The following ADPRHL1 variants were observed in gnomAD, a reference collection of about 807,000 sequenced individuals.
ADPRHL1 encodes the protein ADP-ribosylhydrolase like 1, also known as inactive ADP-ribosyltransferase ARH2.
A neutral mutation model predicts 44.1 loss-of-function variants in ADPRHL1; 43 were observed. The ratio of observed to expected loss-of-function variants is 0.98; its 90% CI spans 0.76 to 1.26. ADPRHL1 has a LOEUF of 1.26. ADPRHL1 is among the 50% of genes most tolerant of loss of function. ADPRHL1 has a pLI of 0.00. For synonymous variants in ADPRHL1, 878 were observed against 1,017.4 expected, an observed-to-expected ratio of 0.86 and a Z score of 2.61; for missense variants, 2,022 against 2,496.9, an observed-to-expected ratio of 0.81 and a Z score of 4.05.
intron 1 of ADPRHL1, among the ~76,000 whole-genome samples, chr13:113,450,644 T>G (rs1340301338): frequency 6.6e-6 from 1 of 152,192 alleles, no homozygotes; most frequent in Non-Finnish European, 1.5e-5. Context: ...GGCCCTTCCC[T>G]GCCTGGCAGC....
intron 3 of ADPRHL1, among the ~76,000 whole-genome samples, chr13:113,431,707 T>C (rs2044008473): frequency 6.6e-6 from 1 of 152,104 alleles, no homozygotes; most frequent in South Asian, 2.1e-4. Context: ...TATTCATCTA[T>C]TAAACATGTG....
chr13:113,403,483 G>T lies in ADPRHL1; in HGVS notation c.5799C>A (p.His1933Gln), dbSNP rs1379714585. The T allele has an allele frequency of 1.5e-5, 18 of 1,232,064 alleles. No individual in the cohort carries two copies. Among genetic ancestry groups the T allele is most frequent in the Non-Finnish European group, 1.7e-5 (17 of 988,000 alleles). The allele number at this position is 1,232,064 out of a possible 1,614,324, so 76.3% of individuals were successfully genotyped here. A position where few individuals can be genotyped will look rare whatever the true frequency, so the allele number is the denominator to read the frequency against. Residue 1933 changes from histidine to glutamine, a missense_variant, in exon 8 of 8, where the codon CAC (histidine) becomes CAA (glutamine). Transcript: ENST00000612156. ...SEPERRGRSR[H>Q]LAKYKAQSFR... ...AGCTCTGGGCTTTGTACTTGGCCAG[G>T]TGCCTGGACCTCCCGCGACGCTCGG...
At chr13:113,440,742 A>C (rs1012284980) in intron 2 of ADPRHL1, among the ~76,000 whole-genome samples, 1 of 152,056 alleles carries the variant, frequency 6.6e-6, no homozygotes. Flanking sequence ...GGTGTGAGCC[A>C]CTGCACCTGG....
intron 1 of ADPRHL1, among the ~76,000 whole-genome samples, chr13:113,451,608 G>A (rs957667466): frequency 1.2e-4 from 19 of 152,140 alleles, no homozygotes; most frequent in African/African-American, 4.6e-4. Context: ...AGGAGTTCGA[G>A]ACCAGCCTGG....
rs71214119 is a variant in ADPRHL1, at chr13:113,415,750, C to CAAAAAAAAAAAA, written c.1061+7064_1061+7075dup. Among the ~76,000 whole-genome samples the CAAAAAAAAAAAA allele has an allele frequency of 1.3e-3, 81 of 63,022 alleles. 5 individuals are homozygous for CAAAAAAAAAAAA. Among genetic ancestry groups the CAAAAAAAAAAAA allele is most frequent in the East Asian group, 2.0e-3 (4 of 2,012 alleles). The allele number at this position is 63,022 out of a possible 152,430, so 41.3% of individuals were successfully genotyped here. Reference sequence around the variant, plus strand: ...TGGGTGACAGAGTGAGACTCCATCTCAAAAAAAAAAAAAAAAAAAAAGAGA... The same window carrying CAAAAAAAAAAAA: ...TGGGTGACAGAGTGAGACTCCATCTCAAAAAAAAAAAAAAAAAAAAAAAAAAAAAAAAAGAGA... On this transcript the variant is annotated intron_variant, in intron 7 of 7. Transcript: ENST00000612156.
At position 113,409,894 on chromosome 13, in the gene ADPRHL1, A is replaced by G. The variant is rs2043839615; in HGVS notation, c.1062-1674T>C. Reference sequence around the variant, plus strand: ...ACAGAGCGAGACTCCGTCTCAAAAAAAAAAAAAAAAAAAAGGAAGAAGCTG... The same window carrying G: ...ACAGAGCGAGACTCCGTCTCAAAAAGAAAAAAAAAAAAAAGGAAGAAGCTG... On this transcript the variant is annotated intron_variant, in intron 7 of 7. Coordinates refer to ENST00000612156, the MANE Select transcript of ADPRHL1 (RefSeq NM_001394807.1). This position sits in a 1 kb window ranked among gnomAD's most constrained non-coding sequence, Gnocchi z 4.2. The G allele has an allele frequency of 3.2e-6, 3 of 933,770 alleles. No homozygotes were observed. The highest frequency in any genetic ancestry group is 5.4e-4 in the Middle Eastern group (1 of 1,856). The allele number at this position is 933,770 out of a possible 1,614,324, so 57.8% of individuals were successfully genotyped here.
At position 113,399,819 on chromosome 13, in the gene ADPRHL1, C is replaced by T. The variant is rs181812589; in HGVS notation, c.*3559G>A. 3 of 152,048 alleles carry T rather than the reference C, an allele frequency of 2.0e-5. No homozygotes were observed. Among genetic ancestry groups the T allele is most frequent in the Admixed American group, 1.3e-4 (2 of 15,258 alleles). The allele number at this position is 152,048 out of a possible 1,614,324, so 9.4% of individuals were successfully genotyped here. On this transcript the variant is annotated 3_prime_UTR_variant, in exon 8 of 8. Coordinates refer to ENST00000612156, the MANE Select transcript of ADPRHL1 (RefSeq NM_001394807.1). ...CACAACCGAAAGACCGTAACTCCAA[C>T]AGCAGAGATACCCTGAGAACAGAAT... is the stretch of plus-strand genomic sequence containing the variant.
Position 113,405,301 on chromosome 13 carries a change from T to C in ADPRHL1, c.3981A>G (p.Val1327=). Residue 1327 remains valine, a synonymous_variant, in exon 8 of 8, where the codon GTA becomes GTG. Transcript: ENST00000612156. ...GAGGGCCCCGCTGGTGGGTGCCACC[T>C]ACCCACCCCATGTCCACCTCCGCGG... is the stretch of plus-strand genomic sequence containing the variant. The part of the protein sequence containing the change: ...VPPAEVDMGW[V]GGTHQRGPPH... 1 of 1,231,808 alleles carries C rather than the reference T, an allele frequency of 8.1e-7. No individual in the cohort carries two copies. The highest frequency in any genetic ancestry group is 4.1e-5 in the South Asian group (1 of 24,320). The allele number at this position is 1,231,808 out of a possible 1,614,324, so 76.3% of individuals were successfully genotyped here.
chr13:113,428,181 T>G (rs554048126), intron 4 of ADPRHL1, among the ~76,000 whole-genome samples: 40 of 148,288 alleles, frequency 2.7e-4, no homozygotes, highest in Non-Finnish European at 5.5e-4. Flanking sequence ...GAGGCAGAGG[T>G]TGCAGTGAGC....
chr13:113,422,752 G>A (rs1477754278), intron 7 of ADPRHL1, 74 bp downstream of exon 7: 4 of 1,578,080 alleles, frequency 2.5e-6, no homozygotes, highest in Non-Finnish European at 1.7e-6. Flanking sequence ...CCTCACCCAG[G>A]GGCTGCGAGA....
Position 113,405,877 on chromosome 13 carries a change from G to C in ADPRHL1, c.3405C>G (p.Ser1135Arg). Residue 1135 changes from serine (S) to arginine (R), a missense_variant, in exon 8 of 8, where the codon AGC becomes AGG. Physicochemically the swap from Ser to Arg is moderately radical, Grantham distance 110. Coordinates refer to ENST00000612156, the MANE Select transcript of ADPRHL1 (RefSeq NM_001394807.1). Reference sequence around the variant, plus strand: ...GCTCTCCCGCTGTGCGGTCTCCAGGGCTCTGGGTGCTGCCTGGCGCTGGTG... The same window carrying C: ...GCTCTCCCGCTGTGCGGTCTCCAGGCCTCTGGGTGCTGCCTGGCGCTGGTG... ...TPAPAPGSTQ[S>R]PGDRTAGEPE... 8.1e-7 allele frequency: 1 copy of C among 1,231,990 alleles called. No homozygotes were observed. Among genetic ancestry groups the C allele is most frequent in the Non-Finnish European group, 1.0e-6 (1 of 988,046 alleles). 76.3% of individuals were successfully genotyped at this position (1,231,990 alleles called of 1,614,324 possible).
chr13:113,453,132 T>G lies in ADPRHL1; in HGVS notation c.214+92A>C. On this transcript the variant is annotated intron_variant, in intron 1 of 7. Transcript: ENST00000612156. The surrounding 1 kb of genome is among the most constrained non-coding windows in gnomAD (Gnocchi z 5.4). ...AACACCATCCGCTGAAGGACCGCAC[T>G]GCCTTCAAAGCTCTCGGAGGCTTAC... 7.1e-7 allele frequency: 1 copy of G among 1,407,886 alleles called. No individual in the cohort carries two copies. Among genetic ancestry groups the G allele is most frequent in the Non-Finnish European group, 9.9e-7 (1 of 1,009,070 alleles). 87.2% of individuals were successfully genotyped at this position (1,407,886 alleles called of 1,614,324 possible).
Position 113,442,968 on chromosome 13 carries a change from T to C in ADPRHL1, c.379+1457A>G, listed in dbSNP as rs530028649. Among the ~76,000 whole-genome samples, 27 of 152,352 alleles carry C rather than the reference T, an allele frequency of 1.8e-4. No individual in the cohort carries two copies. The East Asian group carries it at 5.2e-3, about 29-fold the overall frequency. On this transcript the variant is annotated intron_variant, in intron 2 of 7. Transcript: ENST00000612156. Reference sequence around the variant, plus strand: ...TTCTTGGAAATGTCTAATCTGCTATTGGTCTCAGCCAATGTATTCTAAAAT... The same window carrying C: ...TTCTTGGAAATGTCTAATCTGCTATCGGTCTCAGCCAATGTATTCTAAAAT...
chr13:113,403,713 G>A lies in ADPRHL1; in HGVS notation c.5569C>T (p.Pro1857Ser), dbSNP rs183860036. Residue 1857 changes from proline to serine, a missense_variant, in exon 8 of 8, where the codon CCC becomes TCC. Coordinates refer to ENST00000612156, the MANE Select transcript of ADPRHL1 (RefSeq NM_001394807.1). The part of the protein sequence containing the change: ...GQSGGSGLGE[P>S]SAGYPPPGSR... ...CCTGGGGGTGGGTACCCGGCGCTGG[G>A]CTCCCCCAGGCCACTGCCCCCTGAC... The A allele has an allele frequency of 1.4e-3, 1,681 of 1,232,044 alleles. 13 individuals are homozygous for A. In the African/African-American group the frequency reaches 0.017, roughly 12 times the overall value. 76.3% of individuals were successfully genotyped at this position (1,232,044 alleles called of 1,614,324 possible).
intron 1 of ADPRHL1, among the ~76,000 whole-genome samples, chr13:113,450,955 C>A (rs1047867726): frequency 2.7e-5 from 4 of 145,766 alleles, no homozygotes; most frequent in Non-Finnish European, 4.6e-5. Context: ...AAGGGAGACC[C>A]CCCCCCCCTT....
intron 1 of ADPRHL1, among the ~76,000 whole-genome samples, chr13:113,450,889 AT>A (rs1284915444): frequency 5.9e-5 from 9 of 151,876 alleles, no homozygotes; most frequent in Non-Finnish European, 1.3e-4. Context: ...AGCCTGACTC[AT>A]GTCAGGCCCT....
At chr13:113,446,181 A>C (rs1595556547) in intron 1 of ADPRHL1, among the ~76,000 whole-genome samples, 1 of 106,992 alleles carries the variant, frequency 9.3e-6, no homozygotes, top group Non-Finnish European at 1.7e-5. Context: ...CAAACCCTCC[A>C]GAGAAAACAA....
chr13:113,429,237 ATTAACCACG>A, intron 3 of ADPRHL1, 145 bp from the exon 4 acceptor site: 1 of 1,082,784 alleles, frequency 9.2e-7, no homozygotes, highest in Non-Finnish European at 1.3e-6. Flanking sequence ...GTTCGGCGGC[ATTAACCACG>A]TTCACACTGT....
intron 1 of ADPRHL1, among the ~76,000 whole-genome samples, chr13:113,451,682 C>A (rs2044180125): frequency 6.6e-6 from 1 of 152,076 alleles, no homozygotes; most frequent in African/African-American, 2.4e-5. Context: ...GTGGTGGGCA[C>A]CTGTAGCCCC....
Sources: gnomAD v4.1 joint callset for allele counts (sites outside exome capture counted in the v4.1 genomes callset) on GRCh38, gnomAD v4.1.1 for gene constraint, Gnocchi (gnomAD v3.1) non-coding constraint, MANE v1.5 for transcripts, NCBI Gene and HGNC (gene_info 2026-07-23, HGNC 2026-07-21) for gene names.